The following SUCLG2 variants were observed in gnomAD, a reference collection of about 807,000 sequenced individuals.
SUCLG2 encodes succinate--CoA ligase [GDP-forming] subunit beta, mitochondrial.
A neutral mutation model predicts 47.9 loss-of-function variants in SUCLG2; 42 were observed. The ratio of observed to expected loss-of-function variants is 0.88; its 90% CI spans 0.69 to 1.14. SUCLG2 has a LOEUF of 1.14. SUCLG2 is among the 50% of genes most tolerant of loss of function. The pLI is 0.00. For missense variants in SUCLG2, 571 were observed against 525.9 expected (o/e 1.09, Z -0.84); for synonymous variants, 195 against 197.3 (o/e 0.99, Z 0.10).
chr3:67,551,480 G>C (rs941991522), intron 2 of SUCLG2, among the ~76,000 whole-genome samples: 1 of 152,172 alleles, frequency 6.6e-6, no homozygotes, highest in African/African-American at 2.4e-5. Context: ...CACAACACTT[G>C]ATTCCGTCTG....
intron 2 of SUCLG2, among the ~76,000 whole-genome samples, chr3:67,550,857 T>C (rs1706995130): frequency 6.7e-6 from 1 of 148,576 alleles, no homozygotes; most frequent in Non-Finnish European, 1.5e-5. Context: ...ATGAAGCTGA[T>C]AATAAAAGTG....
chr3:67,483,238 A>G (rs1356731644), intron 9 of SUCLG2, among the ~76,000 whole-genome samples: 2 of 147,680 alleles, frequency 1.4e-5, no homozygotes, highest in East Asian at 4.1e-4. Context: ...ACAAAACTTA[A>G]AAAAAAAAAA....
intron 1 of SUCLG2, among the ~76,000 whole-genome samples, chr3:67,612,033 A>G (rs1362785328): frequency 1.3e-5 from 2 of 152,206 alleles, no homozygotes; most frequent in African/African-American, 2.4e-5. Flanking sequence ...CTGGCTCTAA[A>G]ACTTCAAGAC....
At chr3:67,533,526 A>C (rs746967621) in intron 2 of SUCLG2, among the ~76,000 whole-genome samples, 1 of 152,172 alleles carries the variant, frequency 6.6e-6, no homozygotes, top group Non-Finnish European at 1.5e-5. Context: ...TGTATTTCAG[A>C]ATTTCAGATT....
intron 9 of SUCLG2, among the ~76,000 whole-genome samples, chr3:67,457,577 G>A (rs1179372543): frequency 6.6e-6 from 1 of 150,884 alleles, no homozygotes; most frequent in Non-Finnish European, 1.5e-5. Flanking sequence ...GTGGATAGTG[G>A]TGTTATTTAA....
intron 2 of SUCLG2, among the ~76,000 whole-genome samples, chr3:67,606,802 G>T (rs1700426803): frequency 6.6e-6 from 1 of 152,138 alleles, no homozygotes; most frequent in African/African-American, 2.4e-5. Context: ...TAAATTCTAT[G>T]AAGAAAAAGG....
chr3:67,629,852 A>T (rs1056782305), intron 1 of SUCLG2, among the ~76,000 whole-genome samples: 1 of 152,204 alleles, frequency 6.6e-6, no homozygotes, highest in Non-Finnish European at 1.5e-5. Context: ...AGGGTTTTAG[A>T]TATGTGCCAG....
At chr3:67,370,741 T>C (rs1186359005), downstream of SUCLG2, among the ~76,000 whole-genome samples, 5 of 152,314 alleles carry the variant, frequency 3.3e-5, no homozygotes, top group East Asian at 5.8e-4. Flanking sequence ...GAATGTGGTC[T>C]CTCTCAAAAC....
intron 10 of SUCLG2, among the ~76,000 whole-genome samples, chr3:67,362,895 G>A (rs536174879): frequency 1.2e-4 from 19 of 152,284 alleles, no homozygotes; most frequent in Non-Finnish European, 2.2e-4. Flanking sequence ...GCTTGCCTCT[G>A]AGTGAGATAA....
intron 10 of SUCLG2, among the ~76,000 whole-genome samples, chr3:67,389,456 GAT>G (rs747701389): frequency 3.8e-4 from 58 of 152,284 alleles, no homozygotes; most frequent in Admixed American, 5.9e-4. Flanking sequence ...GGTTTTCAAA[GAT>G]AGCTCAGTGA....
At chr3:67,474,435 G>A (rs1704691853) in intron 9 of SUCLG2, among the ~76,000 whole-genome samples, 1 of 152,056 alleles carries the variant, frequency 6.6e-6, no homozygotes, top group African/African-American at 2.4e-5. Context: ...AGATTTCTGT[G>A]GCTATACCAA....
intron 10 of SUCLG2, 127 bp downstream of exon 10, chr3:67,400,604 G>A: frequency 7.4e-7 from 1 of 1,357,460 alleles, no homozygotes; most frequent in Non-Finnish European, 1.0e-6. Context: ...GCCGTACTGT[G>A]TTTGTTTCAT....
Position 67,374,857 on chromosome 3 carries a change from C to T in SUCLG2, c.*887G>A. The T allele has an allele frequency of 1.0e-6, 1 of 984,672 alleles. No individual in the cohort carries two copies. The highest frequency in any genetic ancestry group is 1.2e-6 in the Non-Finnish European group (1 of 829,740). 61.0% of individuals were successfully genotyped at this position (984,672 alleles called of 1,614,324 possible). On this transcript the variant is annotated 3_prime_UTR_variant, in exon 11 of 11. Coordinates refer to ENST00000307227, the MANE Select transcript of SUCLG2 (RefSeq NM_003848.4). ...AAAAAAAACACATTCAAATAAGGTT[C>T]CCATCTTTCTACCATAAACTGGTAG...
chr3:67,595,794 C>T (rs1708280238), intron 2 of SUCLG2, among the ~76,000 whole-genome samples: 1 of 152,164 alleles, frequency 6.6e-6, no homozygotes, highest in African/African-American at 2.4e-5. Flanking sequence ...ACTGAGTTTT[C>T]AAAACATTTC....
At chr3:67,376,411 G>A (rs1702035921) in intron 10 of SUCLG2, 1 of 985,390 alleles carries the variant, frequency 1.0e-6, no homozygotes, top group Non-Finnish European at 1.2e-6. Context: ...TGGTGGATCT[G>A]GAGTATCTTC....
At position 67,423,767 on chromosome 3, in the gene SUCLG2, C is replaced by T. The variant is rs184040748; in HGVS notation, c.1063-22916G>A. On this transcript the variant is annotated intron_variant, in intron 9 of 10. Transcript: ENST00000307227. ...TTAACATTTTTGACATCAGAATCCC[C>T]CTTAGAATGAATATCTCCCTTTACT... 2.8e-4 allele frequency among the ~76,000 whole-genome samples: 42 copies of T among 152,256 alleles called. 1 individual carries two copies. In the East Asian group the frequency reaches 8.1e-3, roughly 29 times the overall value.
intron 2 of SUCLG2, among the ~76,000 whole-genome samples, chr3:67,608,610 G>A (rs2107311087): frequency 6.6e-6 from 1 of 151,756 alleles, no homozygotes; most frequent in South Asian, 2.1e-4. Flanking sequence ...CATACTGTAA[G>A]AATTTCTGAG....
chr3:67,647,255 A>C (rs1701208966), intron 1 of SUCLG2, among the ~76,000 whole-genome samples: 8 of 152,216 alleles, frequency 5.3e-5, no homozygotes, highest in Admixed American at 5.2e-4. Flanking sequence ...ATTATGTCAA[A>C]TCCCTCGAAT....
At chr3:67,653,137 G>A (rs1701317455) in intron 1 of SUCLG2, among the ~76,000 whole-genome samples, 1 of 152,140 alleles carries the variant, frequency 6.6e-6, no homozygotes, top group African/African-American at 2.4e-5. Context: ...CAGTTTCTCT[G>A]TACAATTCAT....
Sources: allele counts gnomAD v4.1 joint callset (sites outside exome capture counted in the v4.1 genomes callset), GRCh38; gene constraint gnomAD v4.1.1; transcripts MANE v1.5; gene names NCBI Gene and HGNC (gene_info 2026-07-23, HGNC 2026-07-21).